Variants in THSD4 observed in about 807,000 individuals in gnomAD.
The protein encoded by THSD4 is thrombospondin type-1 domain-containing protein 4.
Under a neutral mutation model 119.0 loss-of-function variants are expected in THSD4, and 69 were observed. The ratio of observed to expected loss-of-function variants is 0.58; its 90% CI spans 0.48 to 0.71. THSD4 has a LOEUF of 0.71. THSD4 is among the 30% of genes least tolerant of loss of function. The pLI is 0.00. For missense variants in THSD4, 1,393 were observed against 1,391.1 expected, an observed-to-expected ratio of 1.00 and a Z score of -0.02; for synonymous variants, 524 against 540.4, an observed-to-expected ratio of 0.97 and a Z score of 0.42.
intron 8 of THSD4, among the ~76,000 whole-genome samples, chr15:71,709,857 A>C (rs1385460751): frequency 6.6e-6 from 1 of 152,152 alleles, no homozygotes; most frequent in East Asian, 1.9e-4. Flanking sequence ...AGGCCCAGGC[A>C]TCAGTTTAAA....
At position 71,778,615 on chromosome 15, in the gene THSD4, CTCTTTCTGG is replaced by C. The variant is rs1567149517; in HGVS notation, c.*1252_*1260del. 6.6e-6 allele frequency: 1 copy of C among 152,438 alleles called. No individual in the cohort carries two copies. The highest frequency in any genetic ancestry group is 2.4e-5 in the African/African-American group (1 of 41,468). 9.4% of individuals were successfully genotyped at this position (152,438 alleles called of 1,614,324 possible). ...GAAACACTGCTGTATTAGAAAAAGT[CTCTTTCTGG>C]TCTTTCTGGTTTTGTTTATGAATTT... On this transcript the variant is annotated 3_prime_UTR_variant, in exon 18 of 18. Coordinates refer to ENST00000261862, the MANE Select transcript of THSD4 (RefSeq NM_024817.3).
At chr15:71,773,962 T>C (rs775403889) in intron 17 of THSD4, among the ~76,000 whole-genome samples, 8 of 152,096 alleles carry the variant, frequency 5.3e-5, no homozygotes, top group Non-Finnish European at 1.0e-4. Context: ...CAGAACTCAC[T>C]CAATTTTTTA....
chr15:71,369,524 C>A (rs541341049), intron 6 of THSD4, among the ~76,000 whole-genome samples: 3 of 152,138 alleles, frequency 2.0e-5, no homozygotes, highest in Non-Finnish European at 4.4e-5. Context: ...GCCTTTTCTG[C>A]ATCTATTGAG....
At chr15:71,549,710 T>C (rs1178877984) in intron 7 of THSD4, 1 of 152,156 alleles carries the variant, frequency 6.6e-6, no homozygotes, top group African/African-American at 2.4e-5. Flanking sequence ...TAAAAACACA[T>C]GAGGAGAAGG....
intron 7 of THSD4, among the ~76,000 whole-genome samples, chr15:71,498,560 CCA>C (rs1163556237): frequency 6.6e-6 from 1 of 152,170 alleles, no homozygotes; most frequent in African/African-American, 2.4e-5. Flanking sequence ...ATACCTTCCT[CCA>C]CTCCCATGCC....
intron 7 of THSD4, among the ~76,000 whole-genome samples, chr15:71,501,241 A>G (rs2048108639): frequency 6.6e-6 from 1 of 152,372 alleles, no homozygotes; most frequent in Admixed American, 6.5e-5. Flanking sequence ...GAGGCAAAAC[A>G]ATTCACACAT....
chr15:71,449,783 G>A (rs1372455987), intron 7 of THSD4, among the ~76,000 whole-genome samples: 1 of 152,122 alleles, frequency 6.6e-6, no homozygotes, highest in Non-Finnish European at 1.5e-5. Context: ...ATTTAATTGG[G>A]AGAAAATTGA....
intron 7 of THSD4, among the ~76,000 whole-genome samples, chr15:71,508,931 G>A (rs1442268491): frequency 1.4e-5 from 1 of 73,982 alleles, no homozygotes. Flanking sequence ...AAAAATAAAA[G>A]GATGGATTTT....
intron 3 of THSD4, among the ~76,000 whole-genome samples, chr15:71,174,393 C>T (rs1475193196): frequency 1.3e-5 from 2 of 150,090 alleles, no homozygotes; most frequent in African/African-American, 2.4e-5. Context: ...CCTGGAAAAT[C>T]GGGTCACTCC....
intron 10 of THSD4, chr15:71,732,821 G>A (rs1399713621): frequency 2.0e-5 from 3 of 152,160 alleles, no homozygotes; most frequent in Admixed American, 6.5e-5. Flanking sequence ...CCTACCCTAG[G>A]AGGAAATAAA....
rs1009252324 is a variant in THSD4, at chr15:71,778,444, AG to A, written c.*1073del. On this transcript the variant is annotated 3_prime_UTR_variant, in exon 18 of 18. Coordinates refer to ENST00000261862, the MANE Select transcript of THSD4 (RefSeq NM_024817.3). ...TGTTCCTCCCAGGAAATCAAAGGCC[AG>A]GGTCCTTATGGCCGTGGAGCCTTCC... 3 of 152,456 alleles carry A rather than the reference AG, an allele frequency of 2.0e-5. No homozygotes were observed. Among genetic ancestry groups the A allele is most frequent in the Admixed American group, 2.0e-4 (3 of 15,310 alleles). The allele number at this position is 152,456 out of a possible 1,614,324, so 9.4% of individuals were successfully genotyped here.
chr15:71,195,943 C>T (rs1198251540), intron 3 of THSD4, among the ~76,000 whole-genome samples: 3 of 152,116 alleles, frequency 2.0e-5, no homozygotes, highest in African/African-American at 7.2e-5. Flanking sequence ...CTGCATCCAC[C>T]CATTTGTGTT....
chr15:71,693,067 C>T (rs1439385240), intron 8 of THSD4, among the ~76,000 whole-genome samples: 3 of 151,502 alleles, frequency 2.0e-5, no homozygotes, highest in African/African-American at 4.8e-5. Context: ...GTGATAGGTT[C>T]GTTTGAAGAT....
At chr15:71,392,814 TCTTC>T (rs1408361717) in intron 6 of THSD4, among the ~76,000 whole-genome samples, 1 of 152,210 alleles carries the variant, frequency 6.6e-6, no homozygotes, top group Non-Finnish European at 1.5e-5. Flanking sequence ...CACCCTTTGT[TCTTC>T]CTTTTTGTCT....
chr15:71,174,983 C>A (rs2043433646), intron 3 of THSD4, among the ~76,000 whole-genome samples: 1 of 149,786 alleles, frequency 6.7e-6, no homozygotes, highest in Non-Finnish European at 1.5e-5. Flanking sequence ...GAAAACCCAT[C>A]TGTACATCAC....
Position 71,396,655 on chromosome 15 carries a change from G to A in THSD4, c.1016-15032G>A, listed in dbSNP as rs1021151568. Among the ~76,000 whole-genome samples the A allele has an allele frequency of 7.2e-5, 11 of 152,240 alleles. 1 individual carries two copies. The Middle Eastern group carries it at 0.01, about 141-fold the overall frequency. ...TGTAAAACACCGGCCATGACCTCCC[G>A]CTTCTGCTGAAGCTGTCAAGCCGCT... is the stretch of plus-strand genomic sequence containing the variant. On this transcript the variant is annotated intron_variant, in intron 6 of 17. Transcript: ENST00000261862.
At chr15:71,758,653 A>C (rs942046988) in intron 15 of THSD4, among the ~76,000 whole-genome samples, 1 of 152,226 alleles carries the variant, frequency 6.6e-6, no homozygotes. Flanking sequence ...AAATGTGGAA[A>C]TGACTGCCTT....
chr15:71,710,443 G>A (rs2052487454), intron 8 of THSD4, among the ~76,000 whole-genome samples: 3 of 152,282 alleles, frequency 2.0e-5, no homozygotes, highest in Middle Eastern at 6.8e-3. Flanking sequence ...ATGGAGGAGG[G>A]CCAAGATAAA....
At chr15:71,497,427 C>T (rs1007570160) in intron 7 of THSD4, among the ~76,000 whole-genome samples, 3 of 151,836 alleles carry the variant, frequency 2.0e-5, no homozygotes, top group Non-Finnish European at 2.9e-5. Flanking sequence ...GCAGGAGAAT[C>T]GCTTGAGCCT....
Sources: gnomAD v4.1 joint callset for allele counts (sites outside exome capture counted in the v4.1 genomes callset) on GRCh38, gnomAD v4.1.1 for gene constraint, MANE v1.5 for transcripts, NCBI Gene and HGNC (gene_info 2026-07-23, HGNC 2026-07-21) for gene names.